SDK1: variants seen among roughly 807,000 people sequenced by gnomAD.
SDK1 encodes sidekick cell adhesion molecule 1.
A neutral mutation model predicts 245.5 loss-of-function variants in SDK1; 157 were observed. That is an observed-to-expected ratio of 0.64 (90% CI 0.56 to 0.73). SDK1 has a LOEUF of 0.73. SDK1 is among the 30% of genes least tolerant of loss of function. SDK1 has a pLI of 0.00. For missense variants in SDK1, 3,583 were observed against 3,002.3 expected (o/e 1.19, Z -4.52); for synonymous variants, 1,647 against 1,278.5 (o/e 1.29, Z -6.15).
intron 5 of SDK1, among the ~76,000 whole-genome samples, chr7:3,906,460 A>G (rs1034467180): frequency 2.6e-5 from 4 of 151,882 alleles, no homozygotes; most frequent in African/African-American, 9.7e-5. Flanking sequence ...TAATTGTTAC[A>G]TTCATGGAAC....
intron 4 of SDK1, among the ~76,000 whole-genome samples, chr7:3,671,091 G>A (rs897613784): frequency 2.0e-5 from 3 of 152,226 alleles, no homozygotes; most frequent in Middle Eastern, 3.4e-3. Context: ...ACCTCAAGGC[G>A]GGGGGTGTCT....
chr7:4,024,048 G>T (rs1426898491), intron 17 of SDK1, among the ~76,000 whole-genome samples: 1 of 152,070 alleles, frequency 6.6e-6, no homozygotes, highest in Non-Finnish European at 1.5e-5. Flanking sequence ...AGCACACCAA[G>T]ATTTTCCTTT....
At chr7:3,399,028 A>G (rs967140585) in intron 1 of SDK1, among the ~76,000 whole-genome samples, 5 of 152,124 alleles carry the variant, frequency 3.3e-5, no homozygotes, top group African/African-American at 9.7e-5. Context: ...ATGTTGCAAC[A>G]GAAACCAGCA....
At chr7:3,756,405 T>C (rs1038798204) in intron 4 of SDK1, among the ~76,000 whole-genome samples, 5 of 151,986 alleles carry the variant, frequency 3.3e-5, no homozygotes, top group Non-Finnish European at 7.4e-5. Flanking sequence ...ATGCATATCA[T>C]TGATGTTTTG....
intron 20 of SDK1, among the ~76,000 whole-genome samples, chr7:4,076,572 A>G (rs1780694669): frequency 6.6e-6 from 1 of 152,102 alleles, no homozygotes; most frequent in African/African-American, 2.4e-5. Flanking sequence ...ACATACATAC[A>G]TATATACATA....
chr7:3,348,705 A>C (rs1391711394), intron 1 of SDK1, among the ~76,000 whole-genome samples: 1 of 152,120 alleles, frequency 6.6e-6, no homozygotes, highest in Non-Finnish European at 1.5e-5. Context: ...TAAAAGTTGA[A>C]ATTGTTTTTC....
At chr7:3,499,784 A>G (rs1782139793) in intron 1 of SDK1, among the ~76,000 whole-genome samples, 1 of 152,208 alleles carries the variant, frequency 6.6e-6, no homozygotes, top group Non-Finnish European at 1.5e-5. Context: ...GTTAGTGGCC[A>G]AGGGCAAGAA....
chr7:3,349,470 G>A (rs1780599264), intron 1 of SDK1, among the ~76,000 whole-genome samples: 2 of 152,218 alleles, frequency 1.3e-5, no homozygotes, highest in Admixed American at 6.5e-5. Flanking sequence ...TGAACACAGT[G>A]TCCATGAAGG....
chr7:4,197,136 C>T (rs1243991284), intron 35 of SDK1, among the ~76,000 whole-genome samples: 1 of 152,164 alleles, frequency 6.6e-6, no homozygotes, highest in Non-Finnish European at 1.5e-5. Flanking sequence ...CCCAGGCTGG[C>T]CAGGACAGAG....
chr7:3,889,831 G>T (rs1465983203), intron 5 of SDK1, among the ~76,000 whole-genome samples: 1 of 152,136 alleles, frequency 6.6e-6, no homozygotes, highest in African/African-American at 2.4e-5. Context: ...CTAGAAGGCG[G>T]AGGTTGTGTT....
intron 31 of SDK1, among the ~76,000 whole-genome samples, chr7:4,159,525 T>C (rs1394348647): frequency 6.6e-6 from 1 of 152,224 alleles, no homozygotes; most frequent in Non-Finnish European, 1.5e-5. Flanking sequence ...CTGGCTTCTG[T>C]GGCTCCTGCC....
chr7:3,481,907 A>G (rs1188170119), intron 1 of SDK1, among the ~76,000 whole-genome samples: 1 of 152,256 alleles, frequency 6.6e-6, no homozygotes. Flanking sequence ...TGATACAGTG[A>G]GAAAGGAATG....
At chr7:4,234,011 C>T (rs1196473389) in intron 41 of SDK1, among the ~76,000 whole-genome samples, 3 of 152,222 alleles carry the variant, frequency 2.0e-5, no homozygotes, top group Non-Finnish European at 4.4e-5. Flanking sequence ...GAGCCCCGAT[C>T]CCCTGTGTTA....
intron 1 of SDK1, among the ~76,000 whole-genome samples, chr7:3,445,257 A>G (rs1486676287): frequency 1.3e-5 from 2 of 152,176 alleles, no homozygotes; most frequent in African/African-American, 4.8e-5. Flanking sequence ...ACTTATATGC[A>G]TTTGGGTATA....
intron 1 of SDK1, among the ~76,000 whole-genome samples, chr7:3,518,249 C>T (rs1583987365): frequency 6.6e-6 from 1 of 152,034 alleles, no homozygotes; most frequent in African/African-American, 2.4e-5. Context: ...AATTTTAAAG[C>T]ATGAGCCTTT....
chr7:3,386,429 T>A (rs1781611759), intron 1 of SDK1, among the ~76,000 whole-genome samples: 1 of 152,212 alleles, frequency 6.6e-6, no homozygotes. Flanking sequence ...TAGCTTTTTG[T>A]CAGACTCTTG....
At chr7:4,058,167 C>T (rs1779314705) in intron 19 of SDK1, among the ~76,000 whole-genome samples, 1 of 151,822 alleles carries the variant, frequency 6.6e-6, no homozygotes, top group African/African-American at 2.4e-5. Flanking sequence ...AAAAACATTT[C>T]AATACATGAA....
At position 3,964,698 on chromosome 7, in the gene SDK1, G is replaced by A. The variant is rs563155259; in HGVS notation, c.1429+1847G>A. Among the ~76,000 whole-genome samples the A allele has an allele frequency of 4.9e-4, 74 of 152,224 alleles. 1 individual carries two copies. Among genetic ancestry groups the A allele is most frequent in the African/African-American group, 1.4e-3 (60 of 41,528 alleles). On this transcript the variant is annotated intron_variant, in intron 9 of 44. Coordinates refer to ENST00000404826, the MANE Select transcript of SDK1 (RefSeq NM_152744.4). The stretch of plus-strand genomic sequence containing the variant: ...GTGATTATGGAATTATACCTTTTGT[G>A]TTTGCCCTTTCGGGAGCAAAATGCT...
intron 1 of SDK1, among the ~76,000 whole-genome samples, chr7:3,501,536 A>G (rs986380700): frequency 1.3e-5 from 2 of 152,150 alleles, no homozygotes; most frequent in Non-Finnish European, 2.9e-5. Flanking sequence ...GCTCCTGATT[A>G]TATTGTGGAA....
Sources: gnomAD v4.1 joint callset for allele counts (sites outside exome capture counted in the v4.1 genomes callset) on GRCh38, gnomAD v4.1.1 for gene constraint, MANE v1.5 for transcripts, NCBI Gene and HGNC (gene_info 2026-07-23, HGNC 2026-07-21) for gene names.